Variants in RNFT2 observed in about 807,000 individuals in gnomAD.
RNFT2 encodes ring finger protein, transmembrane 2, also known as E3 ubiquitin-protein ligase RNFT2.
Under a neutral mutation model 53.0 loss-of-function variants are expected in RNFT2, and 36 were observed. The observed-to-expected ratio is 0.68, with a 90% CI of 0.52 to 0.90. RNFT2 has a LOEUF of 0.90. Ranked by LOEUF, RNFT2 falls within the 40% of genes least tolerant of loss-of-function variation. The probability of loss-of-function intolerance (pLI) is 0.00; values close to 1 mark genes in which losing one functional copy is unlikely to be tolerated. For synonymous variants in RNFT2, 260 were observed against 253.2 expected (o/e 1.03, Z -0.26); for missense variants, 514 against 585.6 (o/e 0.88, Z 1.26).
chr12:116,740,208 G>T, intron 1 of RNFT2, 137 bp from the exon 2 acceptor site: 2 of 312,182 alleles, frequency 6.4e-6, no homozygotes, highest in Non-Finnish European at 6.1e-6. Context: ...AGTTTCAAGG[G>T]GGGATCACTG....
At chr12:116,840,881 G>A (rs1565875590) in intron 10 of RNFT2, among the ~76,000 whole-genome samples, 1 of 151,598 alleles carries the variant, frequency 6.6e-6, no homozygotes, top group Admixed American at 6.6e-5. Context: ...GGCTGGCCTG[G>A]TTTGTGTGAT....
intron 7 of RNFT2, among the ~76,000 whole-genome samples, chr12:116,789,263 G>A (rs1841993535): frequency 6.7e-6 from 1 of 148,288 alleles, no homozygotes. Flanking sequence ...GTAAATGGGA[G>A]AAGAGTAGAT....
chr12:116,789,821 G>T (rs961975414), intron 7 of RNFT2, among the ~76,000 whole-genome samples: 3 of 148,956 alleles, frequency 2.0e-5, no homozygotes, highest in African/African-American at 7.5e-5. Context: ...AAGGAGAGTG[G>T]ATGGGTGGAT....
rs1464741472 is a variant in RNFT2 at position 116,841,822 on chromosome 12, T to TATATATATATAA, written c.1200+5562_1200+5573dup. Reference sequence around the variant, plus strand: ...ATATATATAAATATATATATAAAAATATATATATATAAATATATATATAAA... The same window carrying TATATATATATAA: ...ATATATATAAATATATATATAAAAATATATATATATAAATATATATATAAATATATATATAAA... On this transcript the variant is annotated intron_variant, in intron 10 of 10. Transcript: ENST00000257575. Among the ~76,000 whole-genome samples the TATATATATATAA allele has an allele frequency of 1.1e-3, 46 of 41,878 alleles. 1 individual carries two copies. The highest frequency in any genetic ancestry group is 5.3e-3 in the African/African-American group (44 of 8,368). The allele number at this position is 41,878 out of a possible 152,430, so 27.5% of individuals were successfully genotyped here.
chr12:116,771,127 C>T (rs1873155062), intron 6 of RNFT2, among the ~76,000 whole-genome samples: 1 of 152,080 alleles, frequency 6.6e-6, no homozygotes, highest in Non-Finnish European at 1.5e-5. Context: ...AGGTTGCTGA[C>T]TCCTGACCTA....
chr12:116,773,052 C>G (rs1460273462), intron 6 of RNFT2, among the ~76,000 whole-genome samples: 1 of 152,152 alleles, frequency 6.6e-6, no homozygotes, highest in African/African-American at 2.4e-5. Context: ...TGGTCTCGAT[C>G]TCTTGACCTT....
chr12:116,762,104 C>G (rs1263493133), intron 5 of RNFT2, among the ~76,000 whole-genome samples: 1 of 150,802 alleles, frequency 6.6e-6, no homozygotes, highest in African/African-American at 2.4e-5. Flanking sequence ...AAGAGCCAGG[C>G]ACTGTGGCTC....
intron 7 of RNFT2, among the ~76,000 whole-genome samples, chr12:116,823,074 C>T (rs1876133832): frequency 6.6e-6 from 1 of 152,214 alleles, no homozygotes; most frequent in Non-Finnish European, 1.5e-5. Flanking sequence ...TATTGTTTGA[C>T]CTCCTGGATC....
chr12:116,753,130 T>G (rs936394655), intron 4 of RNFT2, among the ~76,000 whole-genome samples: 13 of 139,002 alleles, frequency 9.4e-5, no homozygotes, highest in Non-Finnish European at 9.2e-5. Context: ...AAGTTTTTTC[T>G]TTTTCTTTTT....
chr12:116,748,958 G>A (rs1457864782), intron 3 of RNFT2, among the ~76,000 whole-genome samples: 3 of 152,132 alleles, frequency 2.0e-5, no homozygotes, highest in African/African-American at 7.2e-5. Flanking sequence ...CAGGGTTGAT[G>A]GGAGGATTTA....
intron 7 of RNFT2, among the ~76,000 whole-genome samples, chr12:116,813,274 T>C (rs1875476515): frequency 6.6e-6 from 1 of 152,216 alleles, no homozygotes; most frequent in South Asian, 2.1e-4. Flanking sequence ...TCCTTTTGAA[T>C]GCTTGCCTGG....
chr12:116,840,667 A>G (rs1877204074), intron 10 of RNFT2, among the ~76,000 whole-genome samples: 1 of 152,164 alleles, frequency 6.6e-6, no homozygotes, highest in South Asian at 2.1e-4. Flanking sequence ...CCTAGGCACT[A>G]ACTCTGTAAC....
intron 7 of RNFT2, among the ~76,000 whole-genome samples, chr12:116,816,619 C>G (rs1336669499): frequency 6.6e-6 from 1 of 152,142 alleles, no homozygotes; most frequent in Non-Finnish European, 1.5e-5. Context: ...CATCAGAGAC[C>G]TGGATTCAAA....
chr12:116,792,688 A>T (rs942403178), intron 7 of RNFT2, among the ~76,000 whole-genome samples: 1 of 152,100 alleles, frequency 6.6e-6, no homozygotes, highest in Non-Finnish European at 1.5e-5. Context: ...AAAGGTTCAC[A>T]GCCTTCCCTT....
chr12:116,807,787 C>T (rs1053723240), intron 7 of RNFT2, among the ~76,000 whole-genome samples: 2 of 151,980 alleles, frequency 1.3e-5, no homozygotes, highest in Non-Finnish European at 2.9e-5. Flanking sequence ...GTGGGGCCTG[C>T]ACCTCACTTT....
At position 116,750,122 on chromosome 12, in the gene RNFT2, G is replaced by T; in HGVS notation, c.365G>T (p.Arg122Leu). The T allele has an allele frequency of 6.4e-7, 1 of 1,571,172 alleles. No homozygotes were observed. The highest frequency in any genetic ancestry group is 8.6e-7 in the Non-Finnish European group (1 of 1,165,044). Residue 122 changes from arginine (R) to leucine (L), a missense_variant, in exon 4 of 11, where the codon CGC (arginine) becomes CTC (leucine). Coordinates refer to ENST00000257575, the MANE Select transcript of RNFT2 (RefSeq NM_001382266.1). Reference sequence around the variant, plus strand: ...CACCATTTCCACCATGGCGGCCACCGCGGGGGCTCCCTGCTGCAGCACGTG... The same window carrying T: ...CACCATTTCCACCATGGCGGCCACCTCGGGGGCTCCCTGCTGCAGCACGTG... Reference protein sequence around the residue: ...PHHHFHHGGHRGGSLLQHVGG... With the variant: ...PHHHFHHGGHLGGSLLQHVGG...
At chr12:116,806,912 G>C (rs1032846032) in intron 7 of RNFT2, among the ~76,000 whole-genome samples, 1 of 151,966 alleles carries the variant, frequency 6.6e-6, no homozygotes, top group African/African-American at 2.4e-5. Context: ...TCTGGATTCC[G>C]TGTGCCACTG....
intron 7 of RNFT2, among the ~76,000 whole-genome samples, chr12:116,816,313 A>G (rs1445753139): frequency 6.6e-6 from 1 of 152,160 alleles, no homozygotes; most frequent in Non-Finnish European, 1.5e-5. Context: ...ACCATGGCCA[A>G]TGAAATTGGG....
intron 3 of RNFT2, among the ~76,000 whole-genome samples, chr12:116,743,213 T>TAAAAAAAAAACAAAAAAAAAAAAA: frequency 9.4e-5 from 1 of 10,678 alleles, no homozygotes; most frequent in African/African-American, 3.2e-4. Flanking sequence ...AGGTAGAATC[T>TAAAAAAAAAACAAAAAAAAAAAAA]AAAAAAAAAA....
Sources: allele counts gnomAD v4.1 joint callset (sites outside exome capture counted in the v4.1 genomes callset), GRCh38; gene constraint gnomAD v4.1.1; transcripts MANE v1.5; gene names NCBI Gene and HGNC (gene_info 2026-07-23, HGNC 2026-07-21).